Variants in SMG1 observed in about 807,000 individuals in gnomAD.
SMG1 encodes the protein serine/threonine-protein kinase SMG1.
A neutral mutation model predicts 419.9 loss-of-function variants in SMG1; 22 were observed. The observed-to-expected ratio is 0.05, with a 90% confidence interval of 0.04 to 0.07. The LOEUF (loss-of-function observed/expected upper bound fraction) is 0.07, where lower values mean the gene tolerates loss of function less well. Ranked by LOEUF, SMG1 falls within the 10% of genes least tolerant of loss-of-function variation. SMG1 has a pLI of 1.00. For synonymous variants in SMG1, 1,538 were observed against 1,553.5 expected, an observed-to-expected ratio of 0.99 and a Z score of 0.23; for missense variants, 3,185 against 4,342.0, an observed-to-expected ratio of 0.73 and a Z score of 7.49.
At position 18,812,022 on chromosome 16, in the gene SMG1, C is replaced by T. The variant is rs200687394; in HGVS notation, c.10727G>A (p.Ser3576Asn). 37 of 1,613,958 alleles carry T rather than the reference C, an allele frequency of 2.3e-5. No homozygotes were observed. The highest frequency in any genetic ancestry group is 4.0e-5 in the African/African-American group (3 of 75,020). Residue 3576 changes from serine (S) to asparagine (N), a missense_variant, in exon 61 of 63, where the codon AGC becomes AAC. Transcript: ENST00000446231. ...NLATSADTPPSTVPGTGKSVA... is the reference protein window; with the variant it reads ...NLATSADTPPNTVPGTGKSVA... Reference sequence around the variant, plus strand: ...ACTCTTGCCAGTTCCTGGAACGGTGCTTGGTGGAGTATCAGCTGATGTAGC... The same window carrying T: ...ACTCTTGCCAGTTCCTGGAACGGTGTTTGGTGGAGTATCAGCTGATGTAGC...
chr16:18,819,956 T>C (rs1203007326), intron 55 of SMG1, among the ~76,000 whole-genome samples: 1 of 152,124 alleles, frequency 6.6e-6, no homozygotes, highest in African/African-American at 2.4e-5. Flanking sequence ...AAAAATATGC[T>C]ACACCAAATT....
chr16:18,901,852 T>G (rs1281661781), intron 1 of SMG1, among the ~76,000 whole-genome samples: 1 of 149,256 alleles, frequency 6.7e-6, no homozygotes, highest in African/African-American at 2.5e-5. Context: ...CGGGCACCTG[T>G]AATAATCCCA....
chr16:18,904,568 G>A (rs1006671285), intron 1 of SMG1, among the ~76,000 whole-genome samples: 5 of 151,830 alleles, frequency 3.3e-5, no homozygotes, highest in African/African-American at 1.2e-4. Context: ...AACCCAGGAG[G>A]CAGAGCTTGC....
chr16:18,909,249 G>A (rs997850586), intron 1 of SMG1, among the ~76,000 whole-genome samples: 3 of 152,100 alleles, frequency 2.0e-5, no homozygotes, highest in African/African-American at 7.2e-5. Flanking sequence ...GGCTGAGGCA[G>A]GAGAATCACT....
chr16:18,866,786 A>G lies in SMG1; in HGVS notation c.3196-11T>C, dbSNP rs1278890089. 1.9e-6 allele frequency: 3 copies of G among 1,595,760 alleles called. No individual in the cohort carries two copies. Among genetic ancestry groups the G allele is most frequent in the South Asian group, 2.2e-5 (2 of 90,948 alleles). On this transcript the variant is annotated splice_polypyrimidine_tract_variant and intron_variant, in intron 22 of 62. Transcript: ENST00000446231. The stretch of plus-strand genomic sequence containing the variant: ...TTCCAATTCATTCCCCTGAAAACGC[A>G]TTCAGAAAAATTAGTCACCCAATAC...
intron 62 of SMG1, among the ~76,000 whole-genome samples, chr16:18,811,520 T>C (rs1456218857): frequency 1.3e-5 from 2 of 152,148 alleles, no homozygotes; most frequent in East Asian, 3.9e-4. Context: ...TGGAGGAGGA[T>C]CGGACTTATA....
chr16:18,850,275 T>C lies in SMG1; in HGVS notation c.5245A>G (p.Ser1749Gly), dbSNP rs769220700. Reference sequence around the variant, plus strand: ...AGTTTAAGGAAAGTAAAGTATGCACTGCAAGAGAGTTTGTACAGGCTGAAT... The same window carrying C: ...AGTTTAAGGAAAGTAAAGTATGCACCGCAAGAGAGTTTGTACAGGCTGAAT... The part of the protein sequence containing the change: ...RIFSLYKLSC[S>G]AYFTFLKLNA... The change falls in exon 34 of 63, where the codon AGT becomes GGT. Residue 1749 changes from serine (S) to glycine (G), a missense_variant. Transcript: ENST00000446231. 1.2e-6 allele frequency: 2 copies of C among 1,613,090 alleles called. No homozygotes were observed. The highest frequency in any genetic ancestry group is 3.3e-5 in the Admixed American group (2 of 59,880).
chr16:18,845,771 T>TAAAGC (rs56027632), intron 38 of SMG1, 120 bp from the exon 39 acceptor site: 231,349 of 704,978 alleles, frequency 0.33, 42,312 homozygotes, highest in Non-Finnish European at 0.37. Flanking sequence ...TAAGTCTAAA[T>TAAAGC]AAAGCAATAA....
intron 25 of SMG1, chr16:18,861,208 C>T (rs2141482892): frequency 6.8e-6 from 1 of 147,544 alleles, no homozygotes; most frequent in African/African-American, 2.5e-5. Flanking sequence ...CCCAGCATCA[C>T]AATCTTGTAT....
chr16:18,829,871 C>T, intron 53 of SMG1, 55 bp downstream of exon 53: 1 of 1,450,678 alleles, frequency 6.9e-7, no homozygotes, highest in African/African-American at 1.4e-5. Context: ...TCTATCCTGC[C>T]CCCTTCCATA....
intron 1 of SMG1, among the ~76,000 whole-genome samples, chr16:18,912,407 T>C (rs1161482950): frequency 1.3e-5 from 2 of 152,000 alleles, no homozygotes; most frequent in African/African-American, 4.8e-5. Context: ...AAGGTGATAG[T>C]ATGTTAATTA....
chr16:18,808,337 A>C lies in SMG1; in HGVS notation c.*1232T>G, dbSNP rs2141041621. ...ATCTCATTTTCACTGTTTCATGTAC[A>C]TGTCCTAAAATGCCAAGTAAATTAA... On this transcript the variant is annotated 3_prime_UTR_variant, in exon 63 of 63. Coordinates refer to ENST00000446231, the MANE Select transcript of SMG1 (RefSeq NM_015092.5). 1 of 152,332 alleles carries C rather than the reference A, an allele frequency of 6.6e-6. No homozygotes were observed. The highest frequency in any genetic ancestry group is 2.4e-5 in the African/African-American group (1 of 41,566). The allele number at this position is 152,332 out of a possible 1,614,324, so 9.4% of individuals were successfully genotyped here. A position where few individuals can be genotyped will look rare whatever the true frequency, so the allele number is the denominator to read the frequency against.
rs2035850344 is a variant in SMG1, at chr16:18,872,000, A to G, written c.2183+184T>C. On this transcript the variant is annotated intron_variant, in intron 15 of 62. Coordinates refer to ENST00000446231, the MANE Select transcript of SMG1 (RefSeq NM_015092.5). Reference sequence around the variant, plus strand: ...TTTCATGTATTTCTTTTCAGAAAGAATAAGAAAGCCTAGATTAAATAATAA... The same window carrying G: ...TTTCATGTATTTCTTTTCAGAAAGAGTAAGAAAGCCTAGATTAAATAATAA... Among the ~76,000 whole-genome samples, 4 of 152,310 alleles carry G rather than the reference A, an allele frequency of 2.6e-5. No homozygotes were observed. The South Asian group carries it at 8.3e-4, about 32-fold the overall frequency.
intron 7 of SMG1, 148 bp downstream of exon 7, chr16:18,885,393 A>C (rs1204743424): frequency 6.0e-6 from 6 of 1,007,748 alleles, no homozygotes; most frequent in Non-Finnish European, 9.2e-6. Context: ...GTCAGAAAGA[A>C]AAATGCGGTA....
chr16:18,819,971 T>C (rs572774147), intron 55 of SMG1, among the ~76,000 whole-genome samples: 6 of 152,276 alleles, frequency 3.9e-5, no homozygotes, highest in African/African-American at 1.2e-4. Flanking sequence ...CAAATTCTTT[T>C]TTTTTTCTTT....
intron 1 of SMG1, among the ~76,000 whole-genome samples, chr16:18,905,634 A>G (rs2037530953): frequency 7.1e-6 from 1 of 141,262 alleles, no homozygotes. Flanking sequence ...TTTTTTTGAG[A>G]CAGACTCTGA....
Position 18,831,754 on chromosome 16 carries a change from C to CA in SMG1, c.8792+1185dup, listed in dbSNP as rs34963434. Reference sequence around the variant, plus strand: ...CTAGCGACACAGCAAGACTCCATCTCAAAAAAAAAAAAAAAAATACATATA... The same window carrying CA: ...CTAGCGACACAGCAAGACTCCATCTCAAAAAAAAAAAAAAAAAATACATATA... On this transcript the variant is annotated intron_variant, in intron 51 of 62. Coordinates refer to ENST00000446231, the MANE Select transcript of SMG1 (RefSeq NM_015092.5). Among the ~76,000 whole-genome samples, 498 of 90,178 alleles carry CA rather than the reference C, an allele frequency of 5.5e-3. 4 individuals are homozygous for CA. Among genetic ancestry groups the CA allele is most frequent in the African/African-American group, 0.013 (309 of 22,946 alleles). 59.2% of individuals were successfully genotyped at this position (90,178 alleles called of 152,430 possible).
At chr16:18,915,728 G>T (rs567436109) in intron 1 of SMG1, among the ~76,000 whole-genome samples, 8 of 152,114 alleles carry the variant, frequency 5.3e-5, no homozygotes, top group Non-Finnish European at 1.0e-4. Context: ...CCTTGACTGA[G>T]GTCATGGTTA....
At chr16:18,897,035 C>T (rs553016514) in intron 1 of SMG1, 79 bp from the exon 2 acceptor site, 1 of 974,798 alleles carries the variant, frequency 1.0e-6, no homozygotes, top group South Asian at 1.7e-5. Flanking sequence ...TCTCTTCTCC[C>T]AAATTTTACA....
Sources: gnomAD v4.1 joint callset for allele counts (sites outside exome capture counted in the v4.1 genomes callset) on GRCh38, gnomAD v4.1.1 for gene constraint, MANE v1.5 for transcripts, NCBI Gene and HGNC (gene_info 2026-07-23, HGNC 2026-07-21) for gene names.